The following MBNL1 variants were observed in gnomAD, a reference collection of about 807,000 sequenced individuals.
MBNL1 encodes the protein muscleblind-like protein 1.
In MBNL1, 8 loss-of-function variants were observed where a neutral mutation model predicts 42.2. The observed-to-expected ratio is 0.19, with a 90% CI of 0.11 to 0.34. The LOEUF is 0.34. Ranked by LOEUF, MBNL1 falls within the 10% of genes least tolerant of loss-of-function variation. The probability of loss-of-function intolerance (pLI) is 1.00; values close to 1 mark genes in which losing one functional copy is unlikely to be tolerated. For missense variants in MBNL1, 309 were observed against 495.3 expected (o/e 0.62, Z 3.57); for synonymous variants, 169 against 173.9 (o/e 0.97, Z 0.22).
intron 2 of MBNL1, among the ~76,000 whole-genome samples, chr3:152,382,579 A>G (rs2097223307): frequency 6.6e-6 from 1 of 152,142 alleles, no homozygotes; most frequent in Non-Finnish European, 1.5e-5. Flanking sequence ...GATAGCACTT[A>G]TTTCCAAGAA....
intron 1 of MBNL1, among the ~76,000 whole-genome samples, chr3:152,292,211 T>G (rs2056382623): frequency 6.6e-6 from 1 of 152,176 alleles, no homozygotes; most frequent in Non-Finnish European, 1.5e-5. Flanking sequence ...GCTTAAACCT[T>G]TTACATTTTT....
intron 2 of MBNL1, among the ~76,000 whole-genome samples, chr3:152,407,207 TTC>T (rs1379381230): frequency 1.4e-4 from 19 of 134,380 alleles, no homozygotes; most frequent in African/African-American, 5.1e-4. Context: ...TGGAAATATG[TTC>T]TTTTTTTTTT....
intron 2 of MBNL1, chr3:152,340,792 G>GAATCC (rs1253001858): frequency 6.2e-7 from 1 of 1,613,996 alleles, no homozygotes; most frequent in Non-Finnish European, 8.5e-7. Context: ...AGCAGAAGGG[G>GAATCC]ACTGGACAGA....
chr3:152,318,403 A>C (rs574946621), intron 2 of MBNL1, among the ~76,000 whole-genome samples: 1 of 152,312 alleles, frequency 6.6e-6, no homozygotes, highest in East Asian at 1.9e-4. Context: ...GTTTTAATTC[A>C]TGGTAGAATT....
chr3:152,415,470 T>C (rs1424774648), intron 3 of MBNL1, among the ~76,000 whole-genome samples: 3 of 152,240 alleles, frequency 2.0e-5, no homozygotes, highest in Non-Finnish European at 4.4e-5. Flanking sequence ...AATAATGATA[T>C]TTAAAATTGG....
Position 152,451,478 on chromosome 3 carries a change from A to G in MBNL1, c.961+3705A>G, listed in dbSNP as rs1011662965. On this transcript the variant is annotated intron_variant, in intron 6 of 9. Coordinates refer to ENST00000324210, the MANE Select transcript of MBNL1 (RefSeq NM_021038.5). ...CTGTCCTTCAGTTTTCCATCCATCT[A>G]TTCATCCCCCCATTTATCTATCCAC... Among the ~76,000 whole-genome samples the G allele has an allele frequency of 9.9e-5, 15 of 151,520 alleles. No individual in the cohort carries two copies. The East Asian group carries it at 2.5e-3, about 25-fold the overall frequency.
chr3:152,300,108 C>CTTT lies in MBNL1; in HGVS notation c.-77_-75dup. 4.5e-6 allele frequency: 3 copies of CTTT among 669,630 alleles called. No homozygotes were observed. Among genetic ancestry groups the CTTT allele is most frequent in the South Asian group, 2.4e-5 (1 of 41,544 alleles). 41.5% of individuals were successfully genotyped at this position (669,630 alleles called of 1,614,324 possible). A position where few individuals can be genotyped will look rare whatever the true frequency, so the allele number is the denominator to read the frequency against. On this transcript the variant is annotated 5_prime_UTR_variant, in exon 2 of 10. Coordinates refer to ENST00000324210, the MANE Select transcript of MBNL1 (RefSeq NM_021038.5). ...GGGGACATTTTCATCATCAGTTCAG[C>CTTT]TTTTTTTTTTTGGTTGTTGCTCTTT...
intron 2 of MBNL1, among the ~76,000 whole-genome samples, chr3:152,386,431 A>G (rs2097427187): frequency 6.6e-6 from 1 of 152,082 alleles, no homozygotes; most frequent in African/African-American, 2.4e-5. Flanking sequence ...TATGGCAACA[A>G]CTTTTAATTG....
chr3:152,403,893 G>A (rs1004674522), intron 2 of MBNL1, among the ~76,000 whole-genome samples: 1 of 152,166 alleles, frequency 6.6e-6, no homozygotes, highest in Admixed American at 6.5e-5. Flanking sequence ...GGTGGGGCAG[G>A]GAGGGGAGTG....
intron 2 of MBNL1, among the ~76,000 whole-genome samples, chr3:152,349,506 G>C (rs1034640113): frequency 2.0e-5 from 3 of 152,046 alleles, no homozygotes; most frequent in Non-Finnish European, 4.4e-5. Context: ...TGAAATGCTA[G>C]TGTATAATTT....
At chr3:152,297,525 A>G (rs1003817874) in intron 1 of MBNL1, among the ~76,000 whole-genome samples, 1 of 150,218 alleles carries the variant, frequency 6.7e-6, no homozygotes, top group Non-Finnish European at 1.5e-5. Flanking sequence ...AATTTTTTGT[A>G]TTTCAGTATT....
rs745735418 is a variant in MBNL1 at position 152,463,389 on chromosome 3, T to C, written c.*1023T>C. 14 of 152,442 alleles carry C rather than the reference T, an allele frequency of 9.2e-5. No homozygotes were observed. The highest frequency in any genetic ancestry group is 1.6e-4 in the Non-Finnish European group (11 of 67,920). 9.4% of individuals were successfully genotyped at this position (152,442 alleles called of 1,614,324 possible). A position where few individuals can be genotyped will look rare whatever the true frequency, so the allele number is the denominator to read the frequency against. On this transcript the variant is annotated 3_prime_UTR_variant, in exon 10 of 10. Coordinates refer to ENST00000324210, the MANE Select transcript of MBNL1 (RefSeq NM_021038.5). ...ACACAGTAACAAAAAAATGAGGAAA[T>C]TATTTTGCTTCTATTTATAGCCTCT...
At chr3:152,418,714 CTTT>C (rs35606256) in intron 3 of MBNL1, among the ~76,000 whole-genome samples, 3 of 118,662 alleles carry the variant, frequency 2.5e-5, no homozygotes, top group Admixed American at 8.4e-5. Context: ...TCTTAACAAT[CTTT>C]TTTTTTTTTT....
chr3:152,461,129 A>G (rs1435818157), intron 9 of MBNL1, among the ~76,000 whole-genome samples: 1 of 152,156 alleles, frequency 6.6e-6, no homozygotes, highest in Non-Finnish European at 1.5e-5. Context: ...CTGAGAACCA[A>G]CTCAGAAACC....
At chr3:152,367,871 GT>G (rs1000979553) in intron 2 of MBNL1, among the ~76,000 whole-genome samples, 6 of 150,446 alleles carry the variant, frequency 4.0e-5, no homozygotes, top group South Asian at 4.2e-4. Context: ...CTTTTTGATG[GT>G]TTTTTTTTCT....
At chr3:152,254,454 T>C (rs1472775101) in intron 2 of MBNL1, among the ~76,000 whole-genome samples, 1 of 152,104 alleles carries the variant, frequency 6.6e-6, no homozygotes, top group Non-Finnish European at 1.5e-5. Context: ...TTAGGGTTCA[T>C]TGTTTTCCTC....
At chr3:152,257,805 A>T (rs903388564) in intron 2 of MBNL1, among the ~76,000 whole-genome samples, 2 of 152,190 alleles carry the variant, frequency 1.3e-5, no homozygotes, top group African/African-American at 2.4e-5. Flanking sequence ...GTAAAAAAAA[A>T]TTTTTGAAAT....
chr3:152,303,281 A>C (rs1332170519), intron 2 of MBNL1, among the ~76,000 whole-genome samples: 1 of 152,192 alleles, frequency 6.6e-6, no homozygotes, highest in Non-Finnish European at 1.5e-5. Flanking sequence ...TCAGAATTAG[A>C]ACGAGAACAG....
chr3:152,446,451 G>A (rs2099227763), intron 5 of MBNL1, among the ~76,000 whole-genome samples: 1 of 151,688 alleles, frequency 6.6e-6, no homozygotes, highest in East Asian at 1.9e-4. Flanking sequence ...TTCTGTTAGA[G>A]TATCTTGTTT....
Sources: gnomAD v4.1 joint callset for allele counts (sites outside exome capture counted in the v4.1 genomes callset) on GRCh38, gnomAD v4.1.1 for gene constraint, MANE v1.5 for transcripts, NCBI Gene and HGNC (gene_info 2026-07-23, HGNC 2026-07-21) for gene names.